PUM2: variants seen among roughly 807,000 people sequenced by gnomAD.
PUM2 encodes pumilio RNA binding family member 2.
PUM2 carries 57 observed loss-of-function variants against 124.5 expected under a neutral mutation model. The observed-to-expected ratio is 0.46, with a 90% CI of 0.37 to 0.57. The LOEUF is 0.57. Among genes scored for constraint, PUM2 ranks in the 20% least tolerant of loss-of-function variants. The pLI, the probability that PUM2 is intolerant of heterozygous loss-of-function variation, is 0.00. For missense variants in PUM2, 1,065 were observed against 1,290.6 expected, an observed-to-expected ratio of 0.83 and a Z score of 2.68; for synonymous variants, 460 against 446.1, an observed-to-expected ratio of 1.03 and a Z score of -0.39.
chr2:20,319,285 A>T (rs181394322), intron 2 of PUM2, among the ~76,000 whole-genome samples: 2 of 152,188 alleles, frequency 1.3e-5, no homozygotes, highest in Non-Finnish European at 2.9e-5. Context: ...CATTTTGGAC[A>T]ATTCTTATTC....
chr2:20,283,215 A>AGCTGCT lies in PUM2; in HGVS notation c.1446_1451dup (p.Ala483_Ala484dup). 6.8e-6 allele frequency: 11 copies of AGCTGCT among 1,612,314 alleles called. No homozygotes were observed. The highest frequency in any genetic ancestry group is 1.7e-5 in the Admixed American group (1 of 59,870). Reference sequence around the variant, plus strand: ...CTGTAAGGCTACTTGCAGTTCCTCCAGCTGCTGCTGCTGCTGCTGTAAAAT... The same window carrying AGCTGCT: ...CTGTAAGGCTACTTGCAGTTCCTCCAGCTGCTGCTGCTGCTGCTGCTGCTGTAAAAT... On this transcript the variant is annotated inframe_insertion, in exon 12 of 21. Coordinates refer to ENST00000361078, the MANE Select transcript of PUM2 (RefSeq NM_015317.5).
At position 20,273,282 on chromosome 2, in the gene PUM2, C is replaced by T. The variant is rs114314156; in HGVS notation, c.1957+5301G>A. Among the ~76,000 whole-genome samples the T allele has an allele frequency of 7.1e-3, 1,077 of 152,342 alleles. 18 individuals carry two copies. The highest frequency in any genetic ancestry group is 0.025 in the African/African-American group (1,039 of 41,558). ...AATAGAATCCCCACAATCATTGTAA[C>T]GAGCAAACCCTGTTGCCGCACATTT... On this transcript the variant is annotated intron_variant, in intron 13 of 20. Transcript: ENST00000361078.
At chr2:20,260,554 G>T in intron 14 of PUM2, 88 bp from the exon 15 acceptor site, 1 of 1,160,824 alleles carries the variant, frequency 8.6e-7, no homozygotes, top group Non-Finnish European at 1.2e-6. Context: ...TGCACTGCAA[G>T]TTATTTCCAT....
At chr2:20,311,765 A>C (rs1231611929) in intron 4 of PUM2, 102 bp from the exon 5 acceptor site, 2 of 1,179,286 alleles carry the variant, frequency 1.7e-6, no homozygotes, top group East Asian at 5.3e-5. Flanking sequence ...GTAAACAATA[A>C]AAGCATTGAA....
intron 10 of PUM2, among the ~76,000 whole-genome samples, chr2:20,287,074 C>G (rs1463067202): frequency 6.6e-6 from 1 of 152,138 alleles, no homozygotes; most frequent in Non-Finnish European, 1.5e-5. Context: ...TCCTCGTACT[C>G]AAGAATTATG....
At chr2:20,298,260 T>C (rs1231311296) in intron 7 of PUM2, among the ~76,000 whole-genome samples, 2 of 152,172 alleles carry the variant, frequency 1.3e-5, no homozygotes, top group Non-Finnish European at 2.9e-5. Context: ...TGAGGTATAG[T>C]GTAAGATAAA....
upstream of PUM2, among the ~76,000 whole-genome samples, chr2:20,351,885 C>T (rs1308041897): frequency 6.6e-6 from 1 of 152,214 alleles, no homozygotes; most frequent in Non-Finnish European, 1.5e-5. Context: ...GTTGAATACA[C>T]ATGGGCTCTT....
chr2:20,309,753 T>C (rs1679188448), intron 5 of PUM2, among the ~76,000 whole-genome samples: 1 of 152,134 alleles, frequency 6.6e-6, no homozygotes, highest in African/African-American at 2.4e-5. Context: ...AGCTAACTCT[T>C]CCCAACTTCA....
chr2:20,294,495 A>C lies in PUM2; in HGVS notation c.1033T>G (p.Tyr345Asp). The change falls in exon 9 of 21, where the codon TAT (tyrosine) becomes GAT (aspartate). Residue 345 changes from tyrosine to aspartate, a missense_variant. This residue lies in a region of PUM2 where 968 missense variants were observed against 1,159.8 expected (regional missense o/e 0.83). Transcript: ENST00000361078. The part of the protein sequence containing the change: ...LAGPAVVPPQ[Y>D]YGVPWGVYPA... ...TACACCCCCCATGGAACGCCGTAATACTGAGGTGGAACCACTGCTGGACCT... is the reference window on the plus strand; with the variant it reads ...TACACCCCCCATGGAACGCCGTAATCCTGAGGTGGAACCACTGCTGGACCT... 6.2e-7 allele frequency: 1 copy of C among 1,614,054 alleles called. No individual in the cohort carries two copies. Among genetic ancestry groups the C allele is most frequent in the Non-Finnish European group, 8.5e-7 (1 of 1,180,004 alleles).
chr2:20,248,789 A>C lies in PUM2; in HGVS notation c.*2796T>G, dbSNP rs574184832. 1.4e-4 allele frequency: 21 copies of C among 152,772 alleles called. No homozygotes were observed. Among genetic ancestry groups the C allele is most frequent in the Non-Finnish European group, 1.9e-4 (13 of 68,032 alleles). 9.5% of individuals were successfully genotyped at this position (152,772 alleles called of 1,614,324 possible). A position where few individuals can be genotyped will look rare whatever the true frequency, so the allele number is the denominator to read the frequency against. On this transcript the variant is annotated 3_prime_UTR_variant, in exon 21 of 21. Transcript: ENST00000361078. ...TTTTTCATTTTCTAATTTATACATA[A>C]TATACAAAGAAGTGAAGTTAACATT... is the stretch of plus-strand genomic sequence containing the variant.
intron 1 of PUM2, among the ~76,000 whole-genome samples, chr2:20,349,753 C>A (rs115673854): frequency 0.01 from 1,561 of 152,272 alleles, 23 homozygotes; most frequent in African/African-American, 0.035. Flanking sequence ...AACATCTGCC[C>A]CGTTTTCTCA....
chr2:20,326,862 T>C (rs899657845), intron 2 of PUM2, among the ~76,000 whole-genome samples: 4 of 152,158 alleles, frequency 2.6e-5, no homozygotes, highest in East Asian at 1.9e-4. Flanking sequence ...AACTAGACAA[T>C]AGATACATCC....
At chr2:20,268,858 T>G (rs1211803645) in intron 13 of PUM2, among the ~76,000 whole-genome samples, 1 of 152,168 alleles carries the variant, frequency 6.6e-6, no homozygotes, top group African/African-American at 2.4e-5. Flanking sequence ...AATCTTTTTT[T>G]GTTTCTGAAA....
chr2:20,259,562 C>T (rs1300681467), intron 15 of PUM2, among the ~76,000 whole-genome samples: 1 of 152,154 alleles, frequency 6.6e-6, no homozygotes, highest in East Asian at 1.9e-4. Context: ...GCTTGTTTCA[C>T]TTAAGTTAGT....
At chr2:20,350,849 C>A (rs540253691), upstream of PUM2, 3,895 of 962,390 alleles carry the variant, frequency 4.0e-3, 12 homozygotes, top group Admixed American at 5.1e-3. Context: ...TCCCCTCCCC[C>A]CCGCCCACCG....
chr2:20,347,650 C>A (rs190715762), intron 1 of PUM2, among the ~76,000 whole-genome samples: 1 of 152,306 alleles, frequency 6.6e-6, no homozygotes, highest in East Asian at 1.9e-4. Context: ...TTTTCCACAA[C>A]AGAATTCCGA....
intron 10 of PUM2, among the ~76,000 whole-genome samples, chr2:20,285,534 C>T (rs1672526887): frequency 2.0e-5 from 3 of 152,112 alleles, no homozygotes; most frequent in Non-Finnish European, 4.4e-5. Flanking sequence ...AGAGGCACCA[C>T]GATTCCCCTC....
chr2:20,304,277 A>C (rs1350372791), intron 7 of PUM2, among the ~76,000 whole-genome samples: 1 of 152,010 alleles, frequency 6.6e-6, no homozygotes. Flanking sequence ...ATTCTCCCTC[A>C]ACTCCTTGTA....
intron 10 of PUM2, among the ~76,000 whole-genome samples, chr2:20,286,179 T>C (rs1300544635): frequency 1.3e-5 from 2 of 152,098 alleles, no homozygotes; most frequent in African/African-American, 2.4e-5. Context: ...CAAGTTACTA[T>C]GTAGAGAGAG....
Sources: gnomAD v4.1 joint callset for allele counts (sites outside exome capture counted in the v4.1 genomes callset) on GRCh38, gnomAD v4.1.1 for gene constraint, gnomAD v4.1.1 regional missense constraint, MANE v1.5 for transcripts, NCBI Gene and HGNC (gene_info 2026-07-23, HGNC 2026-07-21) for gene names.